The following AGGF1 variants were observed in gnomAD, a reference collection of about 807,000 sequenced individuals.
AGGF1 encodes angiogenic factor with G patch and FHA domains 1.
A neutral mutation model predicts 86.5 loss-of-function variants in AGGF1; 56 were observed. That is an observed-to-expected ratio of 0.65 (90% CI 0.52 to 0.81). The LOEUF is 0.81. Ranked by LOEUF, AGGF1 falls within the 30% of genes least tolerant of loss-of-function variation. The pLI is 0.00. For synonymous variants in AGGF1, 313 were observed against 297.1 expected, an observed-to-expected ratio of 1.05 and a Z score of -0.55; for missense variants, 816 against 850.9, an observed-to-expected ratio of 0.96 and a Z score of 0.51.
chr5:77,050,511 T>A (rs1002559418), intron 8 of AGGF1, among the ~76,000 whole-genome samples: 2 of 151,974 alleles, frequency 1.3e-5, no homozygotes, highest in African/African-American at 4.8e-5. Context: ...TTCTTTCATT[T>A]AAACTAACAT....
In AGGF1 at chr5:77,048,054, G is replaced by C. The variant is rs1237309535; in HGVS notation, c.1202-107G>C. The C allele has an allele frequency of 3.8e-6, 3 of 791,882 alleles. No homozygotes were observed. In the Admixed American group the frequency reaches 5.5e-5, roughly 15 times the overall value. 49.1% of individuals were successfully genotyped at this position (791,882 alleles called of 1,614,324 possible). The stretch of plus-strand genomic sequence containing the variant: ...AGAAGTTTGTTTTAGTCAGAATTAA[G>C]ATTTTTGACCAACACATTTTTATTT... On this transcript the variant is annotated intron_variant, in intron 6 of 13. Transcript: ENST00000312916.
At chr5:77,043,110 C>T (rs1747154062) in intron 5 of AGGF1, among the ~76,000 whole-genome samples, 5 of 54,790 alleles carry the variant, frequency 9.1e-5, no homozygotes, top group African/African-American at 2.2e-4. Context: ...ACCTCCCAGA[C>T]GGGGCGGCTG....
Position 77,052,701 on chromosome 5 carries a change from C to A in AGGF1, c.1366-5C>A. ...ATTAATAATTGCTTGATTTCACTTT[C>A]TAAGTTTCATGCAGAAATTTATTTT... On this transcript the variant is annotated splice_region_variant and splice_polypyrimidine_tract_variant and intron_variant, in intron 8 of 13. Coordinates refer to ENST00000312916, the MANE Select transcript of AGGF1 (RefSeq NM_018046.5). 1 of 1,606,534 alleles carries A rather than the reference C, an allele frequency of 6.2e-7. No individual in the cohort carries two copies. Among genetic ancestry groups the A allele is most frequent in the Admixed American group, 1.7e-5 (1 of 59,902 alleles).
intron 1 of AGGF1, among the ~76,000 whole-genome samples, chr5:77,032,885 C>T (rs1018482295): frequency 3.3e-5 from 5 of 152,144 alleles, no homozygotes; most frequent in African/African-American, 1.2e-4. Context: ...GCTATCAATT[C>T]CCATTCATGT....
chr5:77,056,250 A>G (rs1747456345), intron 11 of AGGF1, among the ~76,000 whole-genome samples: 2 of 108,066 alleles, frequency 1.9e-5, no homozygotes, highest in Middle Eastern at 8.5e-3. Context: ...TTTTTTTGAG[A>G]CAGAGTCTTA....
Position 77,034,424 on chromosome 5 carries a change from G to T in AGGF1, c.217G>T (p.Glu73Ter). 6.2e-7 allele frequency: 1 copy of T among 1,607,442 alleles called. No homozygotes were observed. The highest frequency in any genetic ancestry group is 8.5e-7 in the Non-Finnish European group (1 of 1,174,104). The change falls in exon 2 of 14, where the codon GAA (glutamate) becomes TAA (stop). Residue 73 changes from glutamate (E) to a stop codon, truncating the protein, a stop_gained. Transcript: ENST00000312916. LOFTEE classifies it high-confidence loss of function. ...NNQELRTQVE[E>*]LSKILQRGRN... ...AAGCCTTGTTTTCTCTCAGGTGGAAGAACTCAGTAAAATACTCCAACGTGG... is the reference window on the plus strand; with the variant it reads ...AAGCCTTGTTTTCTCTCAGGTGGAATAACTCAGTAAAATACTCCAACGTGG...
chr5:77,063,297 A>G lies in AGGF1; in HGVS notation c.*45A>G, dbSNP rs537452368. 5 of 1,565,798 alleles carry G rather than the reference A, an allele frequency of 3.2e-6. No homozygotes were observed. In the East Asian group the frequency reaches 1.1e-4, roughly 35 times the overall value. On this transcript the variant is annotated 3_prime_UTR_variant, in exon 14 of 14. Coordinates refer to ENST00000312916, the MANE Select transcript of AGGF1 (RefSeq NM_018046.5). ...AACCTCTAGTTTTTTTAAAAATAGA[A>G]TTTGGAAACTTATTTTTTCTCCCCA...
chr5:77,050,075 C>T (rs1039838176), intron 8 of AGGF1, among the ~76,000 whole-genome samples: 2 of 151,984 alleles, frequency 1.3e-5, no homozygotes, highest in Non-Finnish European at 2.9e-5. Context: ...AGTCCATTTA[C>T]TTTCACTTTC....
Position 77,064,485 on chromosome 5 carries a change from TG to T in AGGF1, c.*1235del, listed in dbSNP as rs1219265711. The stretch of plus-strand genomic sequence containing the variant: ...TACCTGTTAGAATTTCCAGTCTAAA[TG>T]GCACAGGGTAGTTACGGAGAAAAGG... On this transcript the variant is annotated 3_prime_UTR_variant, in exon 14 of 14. Transcript: ENST00000312916. 1 of 152,198 alleles carries T rather than the reference TG, an allele frequency of 6.6e-6. No homozygotes were observed. Among genetic ancestry groups the T allele is most frequent in the Admixed American group, 6.5e-5 (1 of 15,280 alleles). The allele number at this position is 152,198 out of a possible 1,614,324, so 9.4% of individuals were successfully genotyped here.
intron 6 of AGGF1, among the ~76,000 whole-genome samples, chr5:77,047,447 C>G (rs1040043950): frequency 3.9e-5 from 6 of 152,146 alleles, no homozygotes; most frequent in African/African-American, 1.4e-4. Context: ...GAACTAATCC[C>G]CCACAGATAC....
At chr5:77,044,208 C>T (rs1168198338) in intron 5 of AGGF1, among the ~76,000 whole-genome samples, 1 of 150,352 alleles carries the variant, frequency 6.7e-6, no homozygotes, top group Non-Finnish European at 1.5e-5. Context: ...AATCTCGGCA[C>T]TTTGGGAGGC....
intron 8 of AGGF1, among the ~76,000 whole-genome samples, chr5:77,050,201 C>G (rs1747344948): frequency 6.7e-6 from 1 of 150,280 alleles, no homozygotes; most frequent in Admixed American, 6.6e-5. Context: ...AAAAATAAAA[C>G]AACACCTAAT....
intron 8 of AGGF1, among the ~76,000 whole-genome samples, chr5:77,050,601 T>C (rs1156294808): frequency 3.3e-5 from 5 of 152,132 alleles, no homozygotes; most frequent in Admixed American, 6.5e-5. Context: ...TGAAAAACTT[T>C]TAAAAAAGAA....
Position 77,055,545 on chromosome 5 carries a change from G to A in AGGF1, c.1665G>A (p.Glu555=), listed in dbSNP as rs200503741. Residue 555 remains glutamate, a synonymous_variant, in exon 11 of 14, where the codon GAG becomes GAA. Transcript: ENST00000312916. ...CAACACTAAGTAAGGAGGAAAAAGA[G>A]TTGGAAAGAAGAAAAGAATTAAAGA... The part of the protein sequence containing the change: ...VGPTLSKEEK[E]LERRKELKKI... 110 of 1,605,438 alleles carry A rather than the reference G, an allele frequency of 6.9e-5. No homozygotes were observed. The highest frequency in any genetic ancestry group is 5.0e-4 in the Middle Eastern group (3 of 6,026).
rs1747396573 is a variant in AGGF1 at position 77,052,765 on chromosome 5, C to T, written c.1425C>T (p.Gly475=). The change falls in exon 9 of 14, where the codon GGC becomes GGT. Residue 475 remains glycine, a synonymous_variant. Coordinates refer to ENST00000312916, the MANE Select transcript of AGGF1 (RefSeq NM_018046.5). ...AAAGTTATGTCCTTGTGGATCAAGG[C>T]AGTCAAAATGGCACAATTGTTAATG... The part of the protein sequence containing the change: ...DLQSYVLVDQ[G]SQNGTIVNGK... The T allele has an allele frequency of 3.1e-6, 5 of 1,613,800 alleles. No homozygotes were observed. Among genetic ancestry groups the T allele is most frequent in the Non-Finnish European group, 4.2e-6 (5 of 1,179,826 alleles).
At chr5:77,059,941 A>G (rs1460932560) in intron 12 of AGGF1, among the ~76,000 whole-genome samples, 198 bp downstream of exon 12, 2 of 152,188 alleles carry the variant, frequency 1.3e-5, no homozygotes, top group African/African-American at 2.4e-5. Context: ...TCCCGGGTTC[A>G]GGCGATTCTC....
At chr5:77,034,263 G>A (rs1206939603) in intron 1 of AGGF1, among the ~76,000 whole-genome samples, 155 bp from the exon 2 acceptor site, 9 of 152,172 alleles carry the variant, frequency 5.9e-5, no homozygotes, top group Non-Finnish European at 1.5e-5. Flanking sequence ...CCTTTTAAAT[G>A]TATAAAGTAA....
At chr5:77,060,438 T>C (rs879710019) in intron 12 of AGGF1, among the ~76,000 whole-genome samples, 7 of 152,208 alleles carry the variant, frequency 4.6e-5, no homozygotes, top group Non-Finnish European at 1.0e-4. Context: ...CCCTGAAATA[T>C]AATTTTTCTT....
rs1159004626 is a variant in AGGF1, at chr5:77,030,541, C to T, written c.-226C>T. ...CAGGAAAGTTTTCCGGTTTGCAGGC[C>T]GCGCACATCGGGCAGGGGCCATCCT... On this transcript the variant is annotated 5_prime_UTR_variant, in exon 1 of 14. Transcript: ENST00000312916. 4 of 695,020 alleles carry T rather than the reference C, an allele frequency of 5.8e-6. No homozygotes were observed. Among genetic ancestry groups the T allele is most frequent in the South Asian group, 3.0e-5 (2 of 66,744 alleles). 43.1% of individuals were successfully genotyped at this position (695,020 alleles called of 1,614,324 possible).
Sources: allele counts gnomAD v4.1 joint callset (sites outside exome capture counted in the v4.1 genomes callset), GRCh38; gene constraint gnomAD v4.1.1; transcripts MANE v1.5; gene names NCBI Gene and HGNC (gene_info 2026-07-23, HGNC 2026-07-21).